Variants in ASH1L observed in about 807,000 individuals in gnomAD.
The protein encoded by ASH1L is histone-lysine N-methyltransferase ASH1L.
In ASH1L, 23 loss-of-function variants were observed where a neutral mutation model predicts 269.0. The observed-to-expected ratio is 0.09, with a 90% CI of 0.06 to 0.12. The LOEUF is 0.12. Among genes scored for constraint, ASH1L ranks in the 10% least tolerant of loss-of-function variants. The pLI is 1.00. For synonymous variants in ASH1L, 1,187 were observed against 1,253.5 expected (o/e 0.95, Z 1.12); for missense variants, 2,912 against 3,567.8 (o/e 0.82, Z 4.68).
intron 4 of ASH1L, among the ~76,000 whole-genome samples, chr1:155,446,817 G>A (rs1308154474): frequency 6.7e-6 from 1 of 150,118 alleles, no homozygotes; most frequent in African/African-American, 2.5e-5. Context: ...TAGAGACGGG[G>A]TTTCATCGTG....
intron 2 of ASH1L, among the ~76,000 whole-genome samples, chr1:155,507,628 T>C (rs372521813): frequency 6.6e-6 from 1 of 152,138 alleles, no homozygotes; most frequent in Non-Finnish European, 1.5e-5. Flanking sequence ...TCCCAGTATG[T>C]TGGGAGGACA....
intron 7 of ASH1L, among the ~76,000 whole-genome samples, chr1:155,391,511 T>C (rs1260998483): frequency 6.6e-6 from 1 of 152,228 alleles, no homozygotes; most frequent in African/African-American, 2.4e-5. Flanking sequence ...AGCATCTGGA[T>C]GACCTTGGAA....
intron 2 of ASH1L, among the ~76,000 whole-genome samples, chr1:155,494,624 C>T (rs1667031300): frequency 6.6e-6 from 1 of 152,130 alleles, no homozygotes; most frequent in Admixed American, 6.6e-5. Flanking sequence ...CGATGATCAG[C>T]TAACATTTTA....
chr1:155,460,006 C>T, intron 3 of ASH1L, 108 bp from the exon 4 acceptor site: 1 of 745,900 alleles, frequency 1.3e-6, no homozygotes, highest in Non-Finnish European at 2.1e-6. Flanking sequence ...CCACTGTCAT[C>T]CCCTGTAATA....
rs1311447556 is a variant in ASH1L, at chr1:155,398,457, T to C, written c.6009-2904A>G. On this transcript the variant is annotated intron_variant, in intron 6 of 27. Transcript: ENST00000392403. ...TAACACAATGGTAAGTATTTGTGTA[T>C]CTAAACATTTCTAAACATAAGAAAG... Among the ~76,000 whole-genome samples, 4 of 152,304 alleles carry C rather than the reference T, an allele frequency of 2.6e-5. No homozygotes were observed. In the East Asian group the frequency reaches 5.8e-4, roughly 22 times the overall value.
intron 3 of ASH1L, among the ~76,000 whole-genome samples, chr1:155,466,575 A>G: frequency 6.6e-6 from 1 of 152,348 alleles, no homozygotes; most frequent in South Asian, 2.1e-4. Flanking sequence ...TCTTTTTAAA[A>G]TTGATACATA....
intron 6 of ASH1L, among the ~76,000 whole-genome samples, chr1:155,398,123 T>C (rs1487676177): frequency 6.6e-6 from 1 of 152,228 alleles, no homozygotes; most frequent in Admixed American, 6.5e-5. Flanking sequence ...TCTATTAATA[T>C]ACATCTAGGA....
rs1654041122 is a variant in ASH1L, at chr1:155,352,692, G to A, written c.7366+14C>T. On this transcript the variant is annotated intron_variant, in intron 17 of 27. Transcript: ENST00000392403. ...AAAGAAAAAAAGAACGAATTTGAAG[G>A]TGGTTATAGTCACCTTTATAAGAGA... The A allele has an allele frequency of 6.4e-7, 1 of 1,559,644 alleles. No homozygotes were observed. The highest frequency in any genetic ancestry group is 1.4e-5 in the African/African-American group (1 of 71,726).
At chr1:155,405,903 T>C (rs150124386) in intron 6 of ASH1L, among the ~76,000 whole-genome samples, 5 of 151,512 alleles carry the variant, frequency 3.3e-5, no homozygotes, top group Admixed American at 6.6e-5. Flanking sequence ...GACCAAATAC[T>C]GTTAAGACAG....
chr1:155,545,913 T>C (rs1030972479), intron 1 of ASH1L, among the ~76,000 whole-genome samples: 7 of 151,858 alleles, frequency 4.6e-5, no homozygotes, highest in Non-Finnish European at 1.0e-4. Context: ...TCCCAGCATT[T>C]TGGGAGGCCA....
intron 1 of ASH1L, among the ~76,000 whole-genome samples, chr1:155,532,960 T>A (rs1275966533): frequency 1.7e-5 from 1 of 58,432 alleles, no homozygotes; most frequent in Non-Finnish European, 3.4e-5. Context: ...TATATATATA[T>A]GGGGGGAGAG....
chr1:155,549,621 T>A (rs2148907040), intron 1 of ASH1L, among the ~76,000 whole-genome samples: 1 of 135,816 alleles, frequency 7.4e-6, no homozygotes, highest in African/African-American at 2.9e-5. Flanking sequence ...CAAGACTCAG[T>A]CTCAAAAAAA....
At chr1:155,374,043 T>G (rs1184861319) in intron 10 of ASH1L, among the ~76,000 whole-genome samples, 1 of 152,152 alleles carries the variant, frequency 6.6e-6, no homozygotes, top group Non-Finnish European at 1.5e-5. Context: ...ATAATAATTT[T>G]AAAGGCCGGG....
chr1:155,459,491 T>C (rs1664133523), intron 4 of ASH1L, among the ~76,000 whole-genome samples: 1 of 152,210 alleles, frequency 6.6e-6, no homozygotes, highest in African/African-American at 2.4e-5. Flanking sequence ...CCACAGCGCC[T>C]GGCCTTAAGC....
At chr1:155,387,811 G>A (rs937227084) in intron 7 of ASH1L, among the ~76,000 whole-genome samples, 4 of 152,062 alleles carry the variant, frequency 2.6e-5, no homozygotes, top group Non-Finnish European at 4.4e-5. Flanking sequence ...TGATTTCTTT[G>A]AGCAGTGGTT....
intron 2 of ASH1L, among the ~76,000 whole-genome samples, chr1:155,490,021 T>G (rs1666651714): frequency 1.3e-5 from 2 of 150,288 alleles, no homozygotes; most frequent in Admixed American, 6.6e-5. Flanking sequence ...CAGGGTGGAG[T>G]GCAGTGGTGC....
intron 2 of ASH1L, among the ~76,000 whole-genome samples, chr1:155,488,933 C>A (rs1245830938): frequency 6.6e-6 from 1 of 151,816 alleles, no homozygotes; most frequent in Non-Finnish European, 1.5e-5. Context: ...TAAATAATAC[C>A]TTTCATGAAT....
At chr1:155,533,797 G>A (rs781529734) in intron 1 of ASH1L, among the ~76,000 whole-genome samples, 5 of 151,376 alleles carry the variant, frequency 3.3e-5, no homozygotes, top group East Asian at 1.9e-4. Context: ...TATTTGCTAC[G>A]TTTGAAACTC....
intron 5 of ASH1L, among the ~76,000 whole-genome samples, chr1:155,423,383 A>AGT (rs1251340545): frequency 4.6e-5 from 7 of 152,026 alleles, no homozygotes; most frequent in Admixed American, 2.6e-4. Flanking sequence ...GATTGTGACC[A>AGT]TCCTGGCCAA....
Sources: gnomAD v4.1 joint callset for allele counts (sites outside exome capture counted in the v4.1 genomes callset) on GRCh38, gnomAD v4.1.1 for gene constraint, MANE v1.5 for transcripts, NCBI Gene and HGNC (gene_info 2026-07-23, HGNC 2026-07-21) for gene names.